BLOC1S5: variants seen among roughly 807,000 people sequenced by gnomAD.
BLOC1S5 encodes biogenesis of lysosomal organelles complex 1 subunit 5, also known as biogenesis of lysosome-related organelles complex 1 subunit 5.
BLOC1S5 carries 27 observed loss-of-function variants against 24.3 expected under a neutral mutation model. That is an observed-to-expected ratio of 1.11 (90% CI 0.82 to 1.53). The LOEUF (loss-of-function observed/expected upper bound fraction) is 1.53. Ranked by LOEUF, BLOC1S5 falls within the 40% of genes most tolerant of loss-of-function variation. The probability of loss-of-function intolerance (pLI) is 0.00; values close to 1 mark genes in which losing one functional copy is unlikely to be tolerated. For missense variants in BLOC1S5, 239 were observed against 229.4 expected (o/e 1.04, Z -0.27); for synonymous variants, 84 against 74.5 (o/e 1.13, Z -0.66).
intron 2 of BLOC1S5, among the ~76,000 whole-genome samples, chr6:8,044,377 A>AACCT (rs1237147904): frequency 3.3e-5 from 5 of 151,996 alleles, no homozygotes; most frequent in Non-Finnish European, 7.4e-5. Flanking sequence ...AGTCCAATTA[A>AACCT]ACCTCTTTTT....
intron 4 of BLOC1S5, among the ~76,000 whole-genome samples, chr6:8,017,323 A>G (rs956552476): frequency 6.6e-6 from 1 of 152,122 alleles, no homozygotes; most frequent in Admixed American, 6.6e-5. Context: ...GGTTGCAGTG[A>G]GCCGAGACTG....
chr6:8,058,640 T>C (rs1764407913), intron 2 of BLOC1S5, among the ~76,000 whole-genome samples: 1 of 152,120 alleles, frequency 6.6e-6, no homozygotes, highest in Non-Finnish European at 1.5e-5. Flanking sequence ...CAGTAAGCCA[T>C]GATCGTGCCA....
At chr6:8,053,322 G>A (rs1395859124) in intron 2 of BLOC1S5, among the ~76,000 whole-genome samples, 2 of 152,136 alleles carry the variant, frequency 1.3e-5, no homozygotes, top group Admixed American at 6.5e-5. Context: ...TTTGTAGAAG[G>A]AAGAGTCAAT....
At chr6:8,047,230 C>G in intron 2 of BLOC1S5, among the ~76,000 whole-genome samples, 1 of 140,350 alleles carries the variant, frequency 7.1e-6, no homozygotes, top group Non-Finnish European at 1.5e-5. Flanking sequence ...TTTTTTGAGA[C>G]AAGGTCTGGC....
At chr6:8,031,765 A>C (rs909740295) in intron 3 of BLOC1S5, among the ~76,000 whole-genome samples, 1 of 152,232 alleles carries the variant, frequency 6.6e-6, no homozygotes, top group Non-Finnish European at 1.5e-5. Flanking sequence ...TGGCATAAAA[A>C]TAGGCGCATA....
At chr6:8,040,818 T>C (rs1039368254) in intron 3 of BLOC1S5, among the ~76,000 whole-genome samples, 17 of 150,944 alleles carry the variant, frequency 1.1e-4, no homozygotes, top group Non-Finnish European at 2.2e-4. Flanking sequence ...ATTGCACCAC[T>C]GCACTCCAGC....
chr6:8,054,594 C>G (rs1037935784), intron 2 of BLOC1S5, among the ~76,000 whole-genome samples: 2 of 152,204 alleles, frequency 1.3e-5, no homozygotes, highest in African/African-American at 2.4e-5. Context: ...ATTCCATTGC[C>G]TTCTGGCATG....
chr6:8,048,511 C>T (rs1251686512), intron 2 of BLOC1S5, among the ~76,000 whole-genome samples: 1 of 151,944 alleles, frequency 6.6e-6, no homozygotes, highest in African/African-American at 2.4e-5. Flanking sequence ...TTTCTAATTA[C>T]CCTCTTCTGT....
intron 2 of BLOC1S5, among the ~76,000 whole-genome samples, chr6:8,042,410 T>A (rs973260955): frequency 7.9e-5 from 12 of 152,220 alleles, no homozygotes; most frequent in African/African-American, 2.7e-4. Context: ...GGCCTCCTCA[T>A]AAGGTTGGCC....
intron 2 of BLOC1S5, among the ~76,000 whole-genome samples, chr6:8,047,407 C>T (rs996042982): frequency 1.3e-5 from 2 of 152,002 alleles, no homozygotes; most frequent in Non-Finnish European, 2.9e-5. Context: ...AGGGTTGTCC[C>T]ATCTCTCTAT....
chr6:8,063,313 C>G (rs1039621327), intron 1 of BLOC1S5, among the ~76,000 whole-genome samples: 1 of 152,108 alleles, frequency 6.6e-6, no homozygotes, highest in African/African-American at 2.4e-5. Context: ...CATTGTAAGT[C>G]TCTTTTTCAT....
At chr6:8,024,558 T>C (rs1763045349) in intron 4 of BLOC1S5, among the ~76,000 whole-genome samples, 2 of 147,786 alleles carry the variant, frequency 1.4e-5, no homozygotes, top group African/African-American at 5.0e-5. Context: ...ATATTAAATA[T>C]TAAAATATTC....
At chr6:8,062,023 C>T (rs1017057115) in intron 2 of BLOC1S5, among the ~76,000 whole-genome samples, 9 of 152,136 alleles carry the variant, frequency 5.9e-5, no homozygotes, top group African/African-American at 2.2e-4. Flanking sequence ...GATTTGACTT[C>T]GTTGATAAAG....
At chr6:8,061,568 A>G (rs1165471086) in intron 2 of BLOC1S5, among the ~76,000 whole-genome samples, 1 of 152,242 alleles carries the variant, frequency 6.6e-6, no homozygotes, top group East Asian at 1.9e-4. Context: ...TTGCACCCAG[A>G]AATGCTTATC....
intron 3 of BLOC1S5, among the ~76,000 whole-genome samples, chr6:8,038,342 A>G (rs1763557521): frequency 1.3e-5 from 2 of 152,212 alleles, no homozygotes; most frequent in South Asian, 4.1e-4. Context: ...AAATAGGCAA[A>G]GATCTATTTC....
chr6:8,028,179 G>T (rs1234256139), intron 3 of BLOC1S5, among the ~76,000 whole-genome samples: 1 of 151,994 alleles, frequency 6.6e-6, no homozygotes, highest in Non-Finnish European at 1.5e-5. Flanking sequence ...AATAGGGCAG[G>T]GACTGTGATT....
chr6:8,060,395 A>T (rs552054620), intron 2 of BLOC1S5, among the ~76,000 whole-genome samples: 56 of 152,350 alleles, frequency 3.7e-4, no homozygotes, highest in African/African-American at 1.3e-3. Flanking sequence ...AGTAGAGCCA[A>T]GGAGCTGGAG....
Position 8,064,384 on chromosome 6 carries a change from A to C in BLOC1S5, c.-8T>G, listed in dbSNP as rs767292467. On this transcript the variant is annotated 5_prime_UTR_variant, in exon 1 of 5. Transcript: ENST00000397457. ...TGTCCCTCCGCCACTCATCCCGACC[A>C]GTTCCGCCCACCCGCGGCCACGCTG... 6.2e-7 allele frequency: 1 copy of C among 1,605,212 alleles called. No individual in the cohort carries two copies. Among genetic ancestry groups the C allele is most frequent in the East Asian group, 2.2e-5 (1 of 44,754 alleles).
intron 2 of BLOC1S5, among the ~76,000 whole-genome samples, chr6:8,051,066 T>C (rs1179582159): frequency 6.6e-6 from 1 of 151,932 alleles, no homozygotes; most frequent in African/African-American, 2.4e-5. Context: ...TGCACACCTG[T>C]AGTCCCAGCT....
Sources: gnomAD v4.1 joint callset for allele counts (sites outside exome capture counted in the v4.1 genomes callset) on GRCh38, gnomAD v4.1.1 for gene constraint, MANE v1.5 for transcripts, NCBI Gene and HGNC (gene_info 2026-07-23, HGNC 2026-07-21) for gene names.